Variants in INO80 observed in about 807,000 individuals in gnomAD.
INO80 encodes the protein chromatin-remodeling ATPase INO80.
In INO80, 20 loss-of-function variants were observed where a neutral mutation model predicts 203.4. That is an observed-to-expected ratio of 0.10 (90% confidence interval 0.07 to 0.14). The LOEUF (loss-of-function observed/expected upper bound fraction) is 0.14, where lower values mean the gene tolerates loss of function less well. INO80 is among the 10% of genes least tolerant of loss of function. The pLI, the probability that INO80 is intolerant of heterozygous loss-of-function variation, is 1.00. For synonymous variants in INO80, 726 were observed against 685.2 expected, an observed-to-expected ratio of 1.06 and a Z score of -0.93; for missense variants, 1,419 against 1,914.4, an observed-to-expected ratio of 0.74 and a Z score of 4.83.
chr15:41,002,870 C>T (rs527348893), intron 28 of INO80, among the ~76,000 whole-genome samples: 6 of 152,226 alleles, frequency 3.9e-5, no homozygotes, highest in South Asian at 2.1e-4. Flanking sequence ...TCTGGGAGGC[C>T]GAGGCGGGTG....
At position 41,054,734 on chromosome 15, in the gene INO80, G is replaced by T. The variant is rs1356344633; in HGVS notation, c.2188+513C>A. Among the ~76,000 whole-genome samples, 5 of 152,268 alleles carry T rather than the reference G, an allele frequency of 3.3e-5. No individual in the cohort carries two copies. The East Asian group carries it at 9.6e-4, about 29-fold the overall frequency. On this transcript the variant is annotated intron_variant, in intron 18 of 35. Coordinates refer to ENST00000648947, the MANE Select transcript of INO80 (RefSeq NM_017553.3). ...GCTCACCGCAAACTCCATCTCCTGG[G>T]TTCAAGCGATTCACCCGCCTCAGCC...
chr15:41,102,792 T>A (rs2045828816), intron 1 of INO80, among the ~76,000 whole-genome samples: 1 of 152,236 alleles, frequency 6.6e-6, no homozygotes, highest in Non-Finnish European at 1.5e-5. Flanking sequence ...GTTGATATTG[T>A]TGAGTGACTC....
At chr15:41,067,135 G>A (rs1402050289) in intron 14 of INO80, among the ~76,000 whole-genome samples, 1 of 152,142 alleles carries the variant, frequency 6.6e-6, no homozygotes, top group Non-Finnish European at 1.5e-5. Context: ...GGAGTGCAGT[G>A]GCATGATCTC....
chr15:41,038,017 T>C (rs1489916149), intron 24 of INO80, among the ~76,000 whole-genome samples: 6 of 132,562 alleles, frequency 4.5e-5, no homozygotes, highest in East Asian at 4.1e-4. Context: ...TTTTCTTTTT[T>C]TTTTTTTTTT....
chr15:41,077,808 G>A (rs552332832), intron 9 of INO80, among the ~76,000 whole-genome samples: 59 of 151,892 alleles, frequency 3.9e-4, no homozygotes, highest in African/African-American at 1.3e-3. Flanking sequence ...CGATCCTCCC[G>A]TCTCTGCCTT....
chr15:41,033,151 C>T (rs2044516742), intron 24 of INO80, among the ~76,000 whole-genome samples: 2 of 152,198 alleles, frequency 1.3e-5, no homozygotes, highest in Admixed American at 6.5e-5. Context: ...AATACTGGTA[C>T]TGTACTCTGT....
At chr15:41,015,588 C>T (rs1406076484) in intron 27 of INO80, among the ~76,000 whole-genome samples, 2 of 151,824 alleles carry the variant, frequency 1.3e-5, no homozygotes, top group Non-Finnish European at 2.9e-5. Flanking sequence ...CCTTCACATA[C>T]TCCCCATGCC....
intron 16 of INO80, among the ~76,000 whole-genome samples, chr15:41,057,639 A>G (rs2045013030): frequency 6.6e-6 from 1 of 151,758 alleles, no homozygotes; most frequent in Admixed American, 6.6e-5. Context: ...TCTACTAAAA[A>G]TACAAAAATT....
chr15:41,000,955 A>C (rs893230864), intron 28 of INO80, among the ~76,000 whole-genome samples: 10 of 152,154 alleles, frequency 6.6e-5, no homozygotes, highest in African/African-American at 1.9e-4. Context: ...AGGTAGATGA[A>C]TTCAATGTAA....
chr15:40,998,372 A>C (rs999715902), intron 28 of INO80, among the ~76,000 whole-genome samples: 1 of 152,098 alleles, frequency 6.6e-6, no homozygotes, highest in African/African-American at 2.4e-5. Flanking sequence ...AAAATGACTC[A>C]AATAACTAAG....
chr15:41,095,103 C>G (rs2045702558), intron 4 of INO80, among the ~76,000 whole-genome samples: 1 of 151,740 alleles, frequency 6.6e-6, no homozygotes, highest in South Asian at 2.1e-4. Context: ...CTTTGGGAGG[C>G]TGAGGCAGGC....
chr15:40,987,242 T>G, intron 30 of INO80, 49 bp from the exon 31 acceptor site: 1 of 1,107,414 alleles, frequency 9.0e-7, no homozygotes, highest in African/African-American at 1.5e-5. Flanking sequence ...CATTCCCTTA[T>G]GGCAAATATC....
chr15:41,088,343 G>T (rs1034033099), intron 5 of INO80, among the ~76,000 whole-genome samples: 3 of 151,774 alleles, frequency 2.0e-5, no homozygotes, highest in Non-Finnish European at 2.9e-5. Context: ...CCATCTCAGT[G>T]TCAGCCCACC....
chr15:41,025,911 T>C (rs545564650), intron 25 of INO80, among the ~76,000 whole-genome samples: 2 of 152,336 alleles, frequency 1.3e-5, no homozygotes, highest in South Asian at 4.1e-4. Context: ...TGGAAGCTCT[T>C]GGCTTTAAAT....
intron 1 of INO80, among the ~76,000 whole-genome samples, chr15:41,107,764 C>A (rs574402362): frequency 2.5e-4 from 38 of 152,176 alleles, no homozygotes; most frequent in African/African-American, 8.7e-4. Context: ...CATGCCACTG[C>A]ACTTCAGCCT....
chr15:41,040,654 T>C (rs567706125), intron 24 of INO80, among the ~76,000 whole-genome samples: 1 of 152,200 alleles, frequency 6.6e-6, no homozygotes, highest in East Asian at 1.9e-4. Flanking sequence ...GGAGGATTGT[T>C]TGAGGCCAGA....
chr15:40,997,781 C>A, intron 28 of INO80, 180 bp from the exon 29 acceptor site: 1 of 483,502 alleles, frequency 2.1e-6, no homozygotes. Context: ...TTGTTACAAC[C>A]AAACATGGAG....
intron 25 of INO80, among the ~76,000 whole-genome samples, chr15:41,026,531 T>C (rs940744893): frequency 1.3e-5 from 2 of 151,130 alleles, no homozygotes; most frequent in Admixed American, 1.3e-4. Context: ...CCAGGCTGGG[T>C]AACAGAGTGA....
chr15:40,994,647 G>A (rs1311696422), intron 29 of INO80, among the ~76,000 whole-genome samples: 1 of 152,076 alleles, frequency 6.6e-6, no homozygotes, highest in Non-Finnish European at 1.5e-5. Context: ...TTACAGGTGT[G>A]AGCCACTGCA....
Sources: allele counts gnomAD v4.1 joint callset (sites outside exome capture counted in the v4.1 genomes callset), GRCh38; gene constraint gnomAD v4.1.1; transcripts MANE v1.5; gene names NCBI Gene and HGNC (gene_info 2026-07-23, HGNC 2026-07-21).